GPATCH2L: variants seen among roughly 807,000 people sequenced by gnomAD.
GPATCH2L encodes G patch domain-containing protein 2-like.
GPATCH2L carries 31 observed loss-of-function variants against 57.4 expected under a neutral mutation model. The ratio of observed to expected loss-of-function variants is 0.54; its 90% CI spans 0.41 to 0.73. The LOEUF is 0.73. Ranked by LOEUF, GPATCH2L falls within the 30% of genes least tolerant of loss-of-function variation. The pLI is 0.00. For synonymous variants in GPATCH2L, 199 were observed against 210.7 expected (o/e 0.94, Z 0.48); for missense variants, 481 against 599.9 (o/e 0.80, Z 2.07).
At chr14:76,233,674 C>T (rs2040585166) in intron 2 of GPATCH2L, among the ~76,000 whole-genome samples, 1 of 152,130 alleles carries the variant, frequency 6.6e-6, no homozygotes, top group Non-Finnish European at 1.5e-5. Context: ...AAGATAAGGA[C>T]TCTTCATTAA....
rs1435677731 is a variant in GPATCH2L at position 76,211,435 on chromosome 14, A to T, written c.*9584A>T. The T allele has an allele frequency of 6.6e-6, 1 of 152,224 alleles. No homozygotes were observed. Among genetic ancestry groups the T allele is most frequent in the Non-Finnish European group, 1.5e-5 (1 of 68,044 alleles). The allele number at this position is 152,224 out of a possible 1,614,324, so 9.4% of individuals were successfully genotyped here. The stretch of plus-strand genomic sequence containing the variant: ...CCACTTATTGGTAGGAGCTACTGAC[A>T]TGTTAAAACTAGGTTAAACTGAATT... On this transcript the variant is annotated 3_prime_UTR_variant, in exon 10 of 10. Coordinates refer to ENST00000261530, the MANE Select transcript of GPATCH2L (RefSeq NM_017926.4).
At position 76,209,772 on chromosome 14, in the gene GPATCH2L, T is replaced by C. The variant is rs1267405099; in HGVS notation, c.*7921T>C. On this transcript the variant is annotated 3_prime_UTR_variant, in exon 10 of 10. Transcript: ENST00000261530. Reference sequence around the variant, plus strand: ...ATACAGTGAAACTTGGGGTTCCACTTTCATCAGATGTGACCCTGTGTGTTC... The same window carrying C: ...ATACAGTGAAACTTGGGGTTCCACTCTCATCAGATGTGACCCTGTGTGTTC... The C allele has an allele frequency of 6.6e-6, 1 of 152,224 alleles. No individual in the cohort carries two copies. Among genetic ancestry groups the C allele is most frequent in the Non-Finnish European group, 1.5e-5 (1 of 68,042 alleles). 9.4% of individuals were successfully genotyped at this position (152,224 alleles called of 1,614,324 possible).
intron 9 of GPATCH2L, among the ~76,000 whole-genome samples, chr14:76,197,927 A>G (rs1223667659): frequency 6.6e-6 from 1 of 152,284 alleles, no homozygotes; most frequent in African/African-American, 2.4e-5. Flanking sequence ...ACATGCAGCC[A>G]CAAATCTTTT....
At chr14:76,169,998 A>G (rs7155286) in intron 3 of GPATCH2L, among the ~76,000 whole-genome samples, 149,796 of 152,300 alleles carry the variant, frequency 0.98, 73,717 homozygotes, top group East Asian at 1. Flanking sequence ...AGGGCTCAGC[A>G]GTCCATGTTT....
intron 8 of GPATCH2L, among the ~76,000 whole-genome samples, chr14:76,193,159 A>T (rs1003278820): frequency 1.8e-4 from 28 of 152,190 alleles, no homozygotes; most frequent in African/African-American, 6.8e-4. Flanking sequence ...TGCTAAAGTA[A>T]ATAAGCATTT....
intron 3 of GPATCH2L, among the ~76,000 whole-genome samples, chr14:76,167,364 A>C (rs1423539766): frequency 6.6e-6 from 1 of 152,184 alleles, no homozygotes; most frequent in African/African-American, 2.4e-5. Flanking sequence ...TGCCAATAAA[A>C]ATTTTATGTA....
rs760328839 is a variant in GPATCH2L, at chr14:76,210,224, G to A, written c.*8373G>A. 1 of 152,092 alleles carries A rather than the reference G, an allele frequency of 6.6e-6. No homozygotes were observed. The highest frequency in any genetic ancestry group is 1.5e-5 in the Non-Finnish European group (1 of 68,020). 9.4% of individuals were successfully genotyped at this position (152,092 alleles called of 1,614,324 possible). A position where few individuals can be genotyped will look rare whatever the true frequency, so the allele number is the denominator to read the frequency against. ...ATCTCACTTATTCAACAACTCTAAAGGTAGGTACTTTTATCTCCATTTTAA... is the reference window on the plus strand; with the variant it reads ...ATCTCACTTATTCAACAACTCTAAAAGTAGGTACTTTTATCTCCATTTTAA... On this transcript the variant is annotated 3_prime_UTR_variant, in exon 10 of 10. Transcript: ENST00000261530.
intron 2 of GPATCH2L, among the ~76,000 whole-genome samples, chr14:76,231,616 A>AACACATACAC (rs1555384993): frequency 6.2e-5 from 2 of 32,354 alleles, no homozygotes; most frequent in Non-Finnish European, 1.3e-4. Context: ...TTAGAAACTA[A>AACACATACAC]ACACATACAC....
chr14:76,229,375 G>A (rs907957025), intron 1 of GPATCH2L, among the ~76,000 whole-genome samples: 2 of 152,208 alleles, frequency 1.3e-5, no homozygotes, highest in African/African-American at 4.8e-5. Context: ...CATCTGATAT[G>A]TGAGTTCACT....
At chr14:76,187,685 G>A (rs896666633) in intron 8 of GPATCH2L, among the ~76,000 whole-genome samples, 13 of 151,806 alleles carry the variant, frequency 8.6e-5, no homozygotes, top group Non-Finnish European at 1.5e-4. Flanking sequence ...TGGAGAATGG[G>A]GTATCCATCC....
intron 2 of GPATCH2L, among the ~76,000 whole-genome samples, chr14:76,231,557 A>G (rs8015695): frequency 0.16 from 23,777 of 151,502 alleles, 2,489 homozygotes; most frequent in Non-Finnish European, 0.23. Flanking sequence ...GTTTCTAGTC[A>G]TGAACCATCT....
At chr14:76,225,371 G>A (rs76602270) in intron 1 of GPATCH2L, among the ~76,000 whole-genome samples, 4,295 of 151,930 alleles carry the variant, frequency 0.028, 227 homozygotes, top group African/African-American at 0.098. Context: ...GGGATGACCC[G>A]TTCAATATAT....
Position 76,154,891 on chromosome 14 carries a change from C to G in GPATCH2L, c.528C>G (p.Pro176=). 2 of 1,614,182 alleles carry G rather than the reference C, an allele frequency of 1.2e-6. No individual in the cohort carries two copies. Among genetic ancestry groups the G allele is most frequent in the Non-Finnish European group, 8.5e-7 (1 of 1,179,998 alleles). The change falls in exon 2 of 10, where the codon CCC becomes CCG. Residue 176 remains proline, a synonymous_variant. Transcript: ENST00000261530. This position sits in a 1 kb window ranked among gnomAD's most constrained non-coding sequence, Gnocchi z 4.4. ...TGTCCCGCTGGAAGGAGAATACTCCCTGGACCTCATCAGGCCACGGATTGT... is the reference window on the plus strand; with the variant it reads ...TGTCCCGCTGGAAGGAGAATACTCCGTGGACCTCATCAGGCCACGGATTGT... ...QRLSRWKENT[P]WTSSGHGLCE...
At chr14:76,193,989 C>A (rs1395197410) in intron 8 of GPATCH2L, among the ~76,000 whole-genome samples, 1 of 152,080 alleles carries the variant, frequency 6.6e-6, no homozygotes, top group East Asian at 1.9e-4. Context: ...TCTATGTGTT[C>A]TACATTTCTC....
rs35627048 is a variant in GPATCH2L at position 76,195,905 on chromosome 14, A to G, written c.1221A>G (p.Pro407=). The G allele has an allele frequency of 6.6e-4, 1,066 of 1,613,750 alleles. 8 individuals carry two copies. The African/African-American group carries it at 0.012, about 19-fold the overall frequency. Residue 407 remains proline (P), a synonymous_variant, in exon 9 of 10, where the codon CCA becomes CCG. Transcript: ENST00000261530. ...ARQANVHWGP[P]CSRDIKRKRK... ...AGGCAAATGTACACTGGGGACCACCATGTTCACGTGACATCAAGAGGAAGC... is the reference window on the plus strand; with the variant it reads ...AGGCAAATGTACACTGGGGACCACCGTGTTCACGTGACATCAAGAGGAAGC...
At chr14:76,231,538 T>A (rs2139880007) in intron 2 of GPATCH2L, among the ~76,000 whole-genome samples, 1 of 151,968 alleles carries the variant, frequency 6.6e-6, no homozygotes, top group African/African-American at 2.4e-5. Flanking sequence ...AGATTTGAGG[T>A]TTTGAGGAGT....
rs569318072 is a variant in GPATCH2L, at chr14:76,173,575, G to A, written c.934G>A (p.Gly312Arg). ...GYHTRLNRLPGAAARCLRKGR... is the reference protein window; with the variant it reads ...GYHTRLNRLPRAAARCLRKGR... ...CCATACTCGCTTGAATCGTCTACCT[G>A]GAGCTGCAGCTCGATGCCTCAGAAA... Residue 312 changes from glycine (G) to arginine (R), a missense_variant, in exon 5 of 10, where the codon GGA becomes AGA. Physicochemically the swap from Gly to Arg is moderately radical, Grantham distance 125. Transcript: ENST00000261530. 6.2e-7 allele frequency: 1 copy of A among 1,613,306 alleles called. No individual in the cohort carries two copies. The highest frequency in any genetic ancestry group is 1.3e-5 in the African/African-American group (1 of 75,006).
At chr14:76,178,121 A>G in intron 7 of GPATCH2L, 79 bp downstream of exon 7, 1 of 1,291,830 alleles carries the variant, frequency 7.7e-7, no homozygotes, top group Non-Finnish European at 1.1e-6. Context: ...ACTGGTAAAA[A>G]CTGCAGCTAA....
In GPATCH2L at chr14:76,178,054, T is replaced by C; in HGVS notation, c.1107+12T>C. The C allele has an allele frequency of 6.3e-7, 1 of 1,587,868 alleles. No individual in the cohort carries two copies. The highest frequency in any genetic ancestry group is 8.6e-7 in the Non-Finnish European group (1 of 1,158,346). On this transcript the variant is annotated intron_variant, in intron 7 of 9. Transcript: ENST00000261530. Reference sequence around the variant, plus strand: ...CTTGTGCACATGAGGTAAGGTTTCCTCTTTCTTGTTATTTTGATTTTCTTG... The same window carrying C: ...CTTGTGCACATGAGGTAAGGTTTCCCCTTTCTTGTTATTTTGATTTTCTTG...
Sources: gnomAD v4.1 joint callset for allele counts (sites outside exome capture counted in the v4.1 genomes callset) on GRCh38, gnomAD v4.1.1 for gene constraint, Gnocchi (gnomAD v3.1) non-coding constraint, MANE v1.5 for transcripts, NCBI Gene and HGNC (gene_info 2026-07-23, HGNC 2026-07-21) for gene names.